Variants in ABTB3 observed in about 807,000 individuals in gnomAD.
ABTB3 encodes the protein ankyrin repeat- and BTB/POZ domain-containing protein 3.
At chr12:107,459,038 C>A in the ABTB3 span, among the ~76,000 whole-genome samples, 1 of 152,114 alleles carries the variant, frequency 6.6e-6, no homozygotes, top group Non-Finnish European at 1.5e-5. Flanking sequence ...TCTCAAGCTG[C>A]AAATAATAAA....
the ABTB3 span, among the ~76,000 whole-genome samples, chr12:107,391,065 C>T: frequency 5.3e-5 from 8 of 152,172 alleles, no homozygotes; most frequent in East Asian, 1.9e-4. Context: ...GCAGGAGAAT[C>T]GCTTGAACCT....
At chr12:107,336,198 T>C in the ABTB3 span, among the ~76,000 whole-genome samples, 1 of 152,362 alleles carries the variant, frequency 6.6e-6, no homozygotes, top group South Asian at 2.1e-4. Context: ...TTGTCAAACT[T>C]GGCACATCCA....
the ABTB3 span, among the ~76,000 whole-genome samples, chr12:107,654,957 GCTCT>G: frequency 4.7e-5 from 7 of 149,882 alleles, no homozygotes; most frequent in South Asian, 4.2e-4. Context: ...AGAAGAGAGG[GCTCT>G]CTCTCTCTCT....
At chr12:107,518,570 A>T in the ABTB3 span, among the ~76,000 whole-genome samples, 4 of 131,140 alleles carry the variant, frequency 3.1e-5, no homozygotes. Context: ...ACTTGGACAC[A>T]GGAAGGGGAA....
the ABTB3 span, among the ~76,000 whole-genome samples, chr12:107,579,547 G>A: frequency 6.6e-6 from 1 of 152,184 alleles, no homozygotes; most frequent in South Asian, 2.1e-4. Context: ...CTGAGCTGCT[G>A]AATATTATTA....
chr12:107,627,024 CAGAA>C, the ABTB3 span, among the ~76,000 whole-genome samples: 1 of 152,106 alleles, frequency 6.6e-6, no homozygotes, highest in African/African-American at 2.4e-5. Context: ...ATTCTAAAAA[CAGAA>C]AGCCAACTGA....
At chr12:107,502,348 G>T in the ABTB3 span, among the ~76,000 whole-genome samples, 1 of 151,846 alleles carries the variant, frequency 6.6e-6, no homozygotes, top group African/African-American at 2.4e-5. Context: ...AAGATTAAAG[G>T]TGTGAGCCAC....
At chr12:107,319,320 A>G in the ABTB3 span, 1 of 1,546,102 alleles carries the variant, frequency 6.5e-7, no homozygotes, top group Non-Finnish European at 8.7e-7. Flanking sequence ...CTGCCCAAGG[A>G]CGCGCTGGCC....
the ABTB3 span, among the ~76,000 whole-genome samples, chr12:107,563,056 G>A: frequency 6.6e-6 from 1 of 152,228 alleles, no homozygotes; most frequent in Admixed American, 6.5e-5. Flanking sequence ...GATTTATTCT[G>A]GGCCCTTAGC....
At chr12:107,375,669 C>T in the ABTB3 span, among the ~76,000 whole-genome samples, 1 of 152,136 alleles carries the variant, frequency 6.6e-6, no homozygotes, top group Admixed American at 6.5e-5. Context: ...ATGTTCGTTA[C>T]TTACCTGCTG....
the ABTB3 span, among the ~76,000 whole-genome samples, chr12:107,525,324 C>CAAAA: frequency 9.8e-3 from 334 of 34,024 alleles, no homozygotes; most frequent in Middle Eastern, 0.02. Context: ...AAGATCCTGT[C>CAAAA]AAAAAAAAAA....
chr12:107,586,967 A>T, the ABTB3 span, among the ~76,000 whole-genome samples: 1 of 152,224 alleles, frequency 6.6e-6, no homozygotes, highest in Non-Finnish European at 1.5e-5. Context: ...GGAGAAGGTG[A>T]AAATGGGGAA....
the ABTB3 span, among the ~76,000 whole-genome samples, chr12:107,331,542 G>C: frequency 1.3e-5 from 2 of 152,180 alleles, no homozygotes; most frequent in African/African-American, 2.4e-5. Context: ...GGCATTCAGA[G>C]GTGGAAGGCT....
At chr12:107,550,745 T>A in the ABTB3 span, among the ~76,000 whole-genome samples, 7 of 152,004 alleles carry the variant, frequency 4.6e-5, no homozygotes, top group Non-Finnish European at 2.9e-5. Flanking sequence ...CATGCCCAAC[T>A]AATTTTTTTG....
chr12:107,323,394 A>G, the ABTB3 span, among the ~76,000 whole-genome samples: 1 of 152,106 alleles, frequency 6.6e-6, no homozygotes, highest in African/African-American at 2.4e-5. Flanking sequence ...CTGGATTCAG[A>G]AAAAAAAGAT....
chr12:107,521,835 C>T, the ABTB3 span, among the ~76,000 whole-genome samples: 1 of 152,010 alleles, frequency 6.6e-6, no homozygotes, highest in Non-Finnish European at 1.5e-5. Context: ...TCCCTCACTA[C>T]CTTCCCATTT....
At chr12:107,423,805 A>G in the ABTB3 span, among the ~76,000 whole-genome samples, 1 of 152,214 alleles carries the variant, frequency 6.6e-6, no homozygotes, top group African/African-American at 2.4e-5. Context: ...AGACTCATTT[A>G]AAGAAACACT....
the ABTB3 span, among the ~76,000 whole-genome samples, chr12:107,410,320 C>T: frequency 6.6e-6 from 1 of 150,414 alleles, no homozygotes; most frequent in African/African-American, 2.5e-5. Context: ...GGTCAGATGG[C>T]TGTGTGGTGT....
At chr12:107,508,142 G>T in the ABTB3 span, among the ~76,000 whole-genome samples, 4 of 152,088 alleles carry the variant, frequency 2.6e-5, no homozygotes, top group South Asian at 8.3e-4. Flanking sequence ...ATAGATAGAT[G>T]AATGGAAGTT....
Sources: gnomAD v4.1 joint callset for allele counts (sites outside exome capture counted in the v4.1 genomes callset) on GRCh38, gnomAD v4.1.1 for gene constraint, MANE v1.5 for transcripts, NCBI Gene and HGNC (gene_info 2026-07-23, HGNC 2026-07-21) for gene names.